Variants in RASEF observed in about 807,000 individuals in gnomAD.
RASEF encodes the protein RAS and EF-hand domain containing.
A neutral mutation model predicts 90.1 loss-of-function variants in RASEF; 68 were observed. The observed-to-expected ratio is 0.75, with a 90% CI of 0.62 to 0.92. The LOEUF is 0.92. Among genes scored for constraint, RASEF ranks in the 40% least tolerant of loss-of-function variants. The probability of loss-of-function intolerance (pLI) is 0.00; values close to 1 mark genes in which losing one functional copy is unlikely to be tolerated. For synonymous variants in RASEF, 331 were observed against 345.2 expected (o/e 0.96, Z 0.46); for missense variants, 949 against 937.2 (o/e 1.01, Z -0.16).
At chr9:83,055,572 C>T (rs890027163) in intron 1 of RASEF, 1 of 711,098 alleles carries the variant, frequency 1.4e-6, no homozygotes. Context: ...CTCCTCCCTC[C>T]TCGATTGTCC....
rs559609181 is a variant in RASEF at position 83,027,616 on chromosome 9, C to T, written c.432-1695G>A. ...TCTTTTACTAAAAGATAAACATTTT[C>T]AGAGGTATTTCAAAAGAAAAATTAA... On this transcript the variant is annotated intron_variant, in intron 1 of 16. Transcript: ENST00000376447. Among the ~76,000 whole-genome samples, 187 of 152,266 alleles carry T rather than the reference C, an allele frequency of 1.2e-3. 1 individual carries two copies. Among genetic ancestry groups the T allele is most frequent in the Non-Finnish European group, 2.1e-3 (143 of 68,020 alleles).
chr9:82,995,827 T>C lies in RASEF; in HGVS notation c.1920+1185A>G, dbSNP rs575693032. Among the ~76,000 whole-genome samples the C allele has an allele frequency of 5.3e-5, 8 of 152,304 alleles. 1 individual carries two copies. Among genetic ancestry groups the C allele is most frequent in the South Asian group, 4.1e-4 (2 of 4,826 alleles). ...CCACTGTTCAATCAGGAGGTTCGGT[T>C]TGAGCCCCTATTCTATTCCTAACCA... On this transcript the variant is annotated intron_variant, in intron 14 of 16. Coordinates refer to ENST00000376447, the MANE Select transcript of RASEF (RefSeq NM_152573.4).
the RASEF span, among the ~76,000 whole-genome samples, chr9:83,086,024 GA>G: frequency 1.1e-4 from 16 of 152,250 alleles, no homozygotes; most frequent in Admixed American, 7.8e-4. Context: ...TCCAAACTGA[GA>G]CCTCCTGTGT....
At chr9:83,171,281 TTGA>T in the RASEF span, among the ~76,000 whole-genome samples, 1 of 152,004 alleles carries the variant, frequency 6.6e-6, no homozygotes, top group African/African-American at 2.4e-5. Flanking sequence ...TGAACCCCAC[TTGA>T]TAATAATGAA....
chr9:83,162,000 GTC>G, the RASEF span, among the ~76,000 whole-genome samples: 4 of 151,942 alleles, frequency 2.6e-5, no homozygotes, highest in African/African-American at 9.7e-5. Context: ...AAATTTCCCA[GTC>G]TCAGGTATGT....
chr9:82,995,996 T>C (rs1406394008), intron 14 of RASEF, among the ~76,000 whole-genome samples: 1 of 152,218 alleles, frequency 6.6e-6, no homozygotes, highest in African/African-American at 2.4e-5. Flanking sequence ...GTAAAAATGT[T>C]ACATAAATGT....
chr9:83,128,463 C>CT, the RASEF span, among the ~76,000 whole-genome samples: 22,128 of 132,300 alleles, frequency 0.17, 1,938 homozygotes, highest in South Asian at 0.2. Context: ...TTGTTTTAGC[C>CT]TTTTTTTTTT....
At chr9:83,144,741 T>C in the RASEF span, among the ~76,000 whole-genome samples, 1 of 152,166 alleles carries the variant, frequency 6.6e-6, no homozygotes, top group African/African-American at 2.4e-5. Flanking sequence ...GGTAACTGAG[T>C]TACACTAACA....
chr9:83,188,499 C>T, the RASEF span, among the ~76,000 whole-genome samples: 1 of 152,208 alleles, frequency 6.6e-6, no homozygotes, highest in African/African-American at 2.4e-5. Context: ...TATGCAAATC[C>T]ATATTTCATC....
rs1393565 is a variant in RASEF, at chr9:82,990,125, G to C, written c.2117+266C>G. Among the ~76,000 whole-genome samples, 75,102 of 151,852 alleles carry C rather than the reference G, an allele frequency of 0.49. 18,841 individuals are homozygous for C. The highest frequency in any genetic ancestry group is 0.78 in the East Asian group (4,010 of 5,168). ...TGCTTCCTGGAAATGATTCATACAC[G>C]TCAACTATTAGCTTTGTGGTGACAT... On this transcript the variant is annotated intron_variant, in intron 16 of 16. Coordinates refer to ENST00000376447, the MANE Select transcript of RASEF (RefSeq NM_152573.4).
chr9:83,015,742 TA>T, intron 4 of RASEF, 62 bp downstream of exon 4: 1 of 1,192,052 alleles, frequency 8.4e-7, no homozygotes, highest in Non-Finnish European at 1.3e-6. Flanking sequence ...TTTTGGTTGT[TA>T]ATGGCTTAGA....
At chr9:83,002,589 T>C (rs1306544699) in intron 9 of RASEF, among the ~76,000 whole-genome samples, 2 of 151,644 alleles carry the variant, frequency 1.3e-5, no homozygotes, top group Admixed American at 6.6e-5. Context: ...TTGCATTATT[T>C]ATAAAACTCT....
At chr9:83,010,355 A>G (rs1435151290) in intron 5 of RASEF, among the ~76,000 whole-genome samples, 1 of 152,244 alleles carries the variant, frequency 6.6e-6, no homozygotes, top group Non-Finnish European at 1.5e-5. Context: ...GAAATGAACC[A>G]ATAACAGTTA....
intron 1 of RASEF, chr9:83,048,510 G>C (rs1829973896): frequency 1.0e-6 from 1 of 985,058 alleles, no homozygotes; most frequent in Non-Finnish European, 1.2e-6. Flanking sequence ...GCCTCGTGCA[G>C]TCCTGGGCAT....
At chr9:83,158,925 G>A in the RASEF span, among the ~76,000 whole-genome samples, 5 of 151,664 alleles carry the variant, frequency 3.3e-5, no homozygotes, top group East Asian at 3.9e-4. Flanking sequence ...AGTGGCTCAC[G>A]CCTGTAATCC....
rs113297404 is a variant in RASEF at position 83,059,691 on chromosome 9, G to A, written c.431+2746C>T. On this transcript the variant is annotated intron_variant, in intron 1 of 16. Transcript: ENST00000376447. ...CACCTGTCCTCCCAAATTCTCTTAT[G>A]TAACTAAATCACACTGTCCTGCTGC... is the stretch of plus-strand genomic sequence containing the variant. Among the ~76,000 whole-genome samples, 797 of 152,118 alleles carry A rather than the reference G, an allele frequency of 5.2e-3. 9 individuals are homozygous for A. The highest frequency in any genetic ancestry group is 0.018 in the African/African-American group (736 of 41,494).
At position 83,001,108 on chromosome 9, in the gene RASEF, C is replaced by T. The variant is rs1314704396; in HGVS notation, c.1225G>A (p.Asp409Asn). 12 of 1,613,552 alleles carry T rather than the reference C, an allele frequency of 7.4e-6. No homozygotes were observed. The highest frequency in any genetic ancestry group is 1.0e-5 in the Non-Finnish European group (12 of 1,179,628). The change falls in exon 10 of 17, where the codon GAT (aspartate) becomes AAT (asparagine). Residue 409 changes from aspartate to asparagine, a missense_variant. Around this residue, in one of 3 missense-constraint regions of RASEF, gnomAD observed 656 missense variants for 592.2 expected, o/e 1.11. Transcript: ENST00000376447. Reference sequence around the variant, plus strand: ...AGGGCCAGGGAGTCACAGTCCTCATCCACATAGGAAGAGCGGGATGACCTG... The same window carrying T: ...AGGGCCAGGGAGTCACAGTCCTCATTCACATAGGAAGAGCGGGATGACCTG... ...YDRSSRSSYVDEDCDSLALCD... is the reference protein window; with the variant it reads ...YDRSSRSSYVNEDCDSLALCD...
the RASEF span, among the ~76,000 whole-genome samples, chr9:83,209,551 G>A: frequency 2.6e-5 from 4 of 152,246 alleles, no homozygotes; most frequent in Non-Finnish European, 5.9e-5. Flanking sequence ...CTGGGGTGGA[G>A]CGAGTCACAG....
the RASEF span, among the ~76,000 whole-genome samples, chr9:83,125,676 T>G: frequency 6.6e-6 from 1 of 152,210 alleles, no homozygotes; most frequent in African/African-American, 2.4e-5. Flanking sequence ...CGTTTTTTAT[T>G]CTTTAGCCCC....
Sources: gnomAD v4.1 joint callset for allele counts (sites outside exome capture counted in the v4.1 genomes callset) on GRCh38, gnomAD v4.1.1 for gene constraint, gnomAD v4.1.1 regional missense constraint, MANE v1.5 for transcripts, NCBI Gene and HGNC (gene_info 2026-07-23, HGNC 2026-07-21) for gene names.